FAT3: variants seen among roughly 807,000 people sequenced by gnomAD.
FAT3 encodes the protein FAT atypical cadherin 3, also known as protocadherin Fat 3.
A neutral mutation model predicts 310.2 loss-of-function variants in FAT3; 95 were observed. That is an observed-to-expected ratio of 0.31 (90% CI 0.26 to 0.36). The LOEUF (loss-of-function observed/expected upper bound fraction) is 0.36, where lower values mean the gene tolerates loss of function less well. Among genes scored for constraint, FAT3 ranks in the 10% least tolerant of loss-of-function variants. The probability of loss-of-function intolerance (pLI) is 1.00; values close to 1 mark genes in which losing one functional copy is unlikely to be tolerated. For missense variants in FAT3, 5,408 were observed against 5,715.6 expected (o/e 0.95, Z 1.74); for synonymous variants, 2,314 against 2,192.9 (o/e 1.06, Z -1.54).
chr11:92,766,373 C>T (rs180876923), intron 6 of FAT3, among the ~76,000 whole-genome samples: 3 of 152,162 alleles, frequency 2.0e-5, no homozygotes, highest in South Asian at 2.1e-4. Flanking sequence ...CTGGGGGAAT[C>T]ATTTCCTTCC....
intron 2 of FAT3, among the ~76,000 whole-genome samples, chr11:92,426,049 T>C (rs979526552): frequency 7.9e-5 from 12 of 152,176 alleles, no homozygotes. Flanking sequence ...GCATCTGTTG[T>C]TTCCTAACTT....
At chr11:92,540,445 A>G (rs944335027) in intron 3 of FAT3, among the ~76,000 whole-genome samples, 6 of 152,164 alleles carry the variant, frequency 3.9e-5, no homozygotes, top group Admixed American at 3.3e-4. Flanking sequence ...ACTTTTATTA[A>G]AGGAAGATTG....
intron 1 of FAT3, among the ~76,000 whole-genome samples, chr11:92,304,576 ACCTCTGCAGTTGTCTGTCAG>A (rs889486882): frequency 6.6e-6 from 1 of 152,054 alleles, no homozygotes; most frequent in African/African-American, 2.4e-5. Flanking sequence ...TACTCAAACC[ACCTCTGCAGTTGTCTGTCAG>A]TTGTTTGTAG....
intron 1 of FAT3, among the ~76,000 whole-genome samples, chr11:92,228,173 G>A (rs752506301): frequency 1.3e-5 from 2 of 152,186 alleles, no homozygotes; most frequent in African/African-American, 4.8e-5. Flanking sequence ...TCAGAAATCA[G>A]TCAGCTGCTG....
At chr11:92,874,312 ATTCTAT>A (rs1949471674) in intron 22 of FAT3, among the ~76,000 whole-genome samples, 1 of 152,150 alleles carries the variant, frequency 6.6e-6, no homozygotes, top group Non-Finnish European at 1.5e-5. Context: ...GAAACTTTTT[ATTCTAT>A]TATCTTTATT....
At chr11:92,499,613 C>G (rs2135267481) in intron 2 of FAT3, among the ~76,000 whole-genome samples, 1 of 152,074 alleles carries the variant, frequency 6.6e-6, no homozygotes, top group South Asian at 2.1e-4. Context: ...GACCCTGACC[C>G]TAGCTGACTG....
chr11:92,489,940 A>G (rs1213796842), intron 2 of FAT3, among the ~76,000 whole-genome samples: 5 of 151,284 alleles, frequency 3.3e-5, no homozygotes, highest in African/African-American at 7.3e-5. Flanking sequence ...CAGCTCAGAA[A>G]ACTAGTCTGC....
intron 2 of FAT3, among the ~76,000 whole-genome samples, chr11:92,519,429 C>T (rs559551583): frequency 6.6e-6 from 1 of 152,056 alleles, no homozygotes; most frequent in East Asian, 1.9e-4. Flanking sequence ...GACTATTAGA[C>T]CAGAAGAAAA....
intron 3 of FAT3, among the ~76,000 whole-genome samples, chr11:92,598,230 A>ATATATATATATT (rs756896313): frequency 7.4e-6 from 1 of 134,450 alleles, no homozygotes; most frequent in African/African-American, 2.9e-5. Context: ...ATATATATAT[A>ATATATATATATT]TTTTTTTTTT....
chr11:92,813,106 C>T (rs1264731143), intron 13 of FAT3, among the ~76,000 whole-genome samples: 1 of 152,118 alleles, frequency 6.6e-6, no homozygotes, highest in Non-Finnish European at 1.5e-5. Context: ...CCTGAGGCCT[C>T]TCTAGCCATG....
rs888533373 is a variant in FAT3, at chr11:92,253,586, G to A, written c.-18+28412G>A. ...GGGCCTTGGTGCTCTCACTTGCCAA[G>A]AACACCTAGGACATATTTATTGGCT... On this transcript the variant is annotated intron_variant, in intron 1 of 27. Transcript: ENST00000525166. Among the ~76,000 whole-genome samples the A allele has an allele frequency of 2.0e-5, 3 of 152,080 alleles. No homozygotes were observed. The South Asian group carries it at 6.2e-4, about 32-fold the overall frequency.
At chr11:92,554,978 G>A (rs1954966474) in intron 3 of FAT3, among the ~76,000 whole-genome samples, 1 of 152,170 alleles carries the variant, frequency 6.6e-6, no homozygotes, top group Admixed American at 6.5e-5. Context: ...GTCTGACTGT[G>A]CTAATTTGCC....
intron 2 of FAT3, among the ~76,000 whole-genome samples, chr11:92,517,463 A>G (rs1299005305): frequency 2.0e-5 from 3 of 152,212 alleles, no homozygotes; most frequent in Admixed American, 2.0e-4. Flanking sequence ...ATCTTGTACA[A>G]AAATTAACTC....
At chr11:92,251,967 T>C (rs1304474099) in intron 1 of FAT3, among the ~76,000 whole-genome samples, 2 of 152,198 alleles carry the variant, frequency 1.3e-5, no homozygotes, top group South Asian at 2.1e-4. Flanking sequence ...TATCTTTTCT[T>C]CTATTTTGCT....
At chr11:92,526,179 A>G (rs936911444) in intron 3 of FAT3, among the ~76,000 whole-genome samples, 3 of 152,170 alleles carry the variant, frequency 2.0e-5, no homozygotes, top group African/African-American at 7.2e-5. Flanking sequence ...TAAGTAGATA[A>G]AATTCTCCAT....
At chr11:92,248,748 G>A (rs1482018638) in intron 1 of FAT3, among the ~76,000 whole-genome samples, 4 of 143,232 alleles carry the variant, frequency 2.8e-5, no homozygotes, top group Non-Finnish European at 6.2e-5. Context: ...ATATCAAAAT[G>A]ACACACTCAC....
chr11:92,675,796 C>A (rs1427928912), intron 3 of FAT3, among the ~76,000 whole-genome samples: 2 of 152,140 alleles, frequency 1.3e-5, no homozygotes, highest in African/African-American at 4.8e-5. Context: ...AAGTGAAACA[C>A]AAGATTCATT....
intron 3 of FAT3, among the ~76,000 whole-genome samples, chr11:92,596,409 G>A (rs2135574123): frequency 6.6e-6 from 1 of 152,266 alleles, no homozygotes; most frequent in East Asian, 1.9e-4. Context: ...GGACACTCCT[G>A]GGGCTGATGG....
At chr11:92,287,176 T>A (rs911575124) in intron 1 of FAT3, among the ~76,000 whole-genome samples, 4 of 152,272 alleles carry the variant, frequency 2.6e-5, no homozygotes, top group Admixed American at 2.0e-4. Flanking sequence ...AACTGAAGAA[T>A]AAAAACAATC....
Sources: allele counts gnomAD v4.1 joint callset (sites outside exome capture counted in the v4.1 genomes callset), GRCh38; gene constraint gnomAD v4.1.1; transcripts MANE v1.5; gene names NCBI Gene and HGNC (gene_info 2026-07-23, HGNC 2026-07-21).